Variants in VSTM1 observed in about 807,000 individuals in gnomAD.
VSTM1 encodes V-set and transmembrane domain containing 1, also known as V-set and transmembrane domain-containing protein 1.
VSTM1 carries 27 observed loss-of-function variants against 33.1 expected under a neutral mutation model. The observed-to-expected ratio is 0.82, with a 90% confidence interval of 0.60 to 1.12. The LOEUF (loss-of-function observed/expected upper bound fraction) is 1.12. Among genes scored for constraint, VSTM1 ranks in the 50% most tolerant of loss-of-function variants. The pLI, the probability that VSTM1 is intolerant of heterozygous loss-of-function variation, is 0.00. For synonymous variants in VSTM1, 115 were observed against 110.3 expected (o/e 1.04, Z -0.27); for missense variants, 304 against 288.9 (o/e 1.05, Z -0.38).
intron 4 of VSTM1, chr19:54,048,411 C>T (rs1298301963): frequency 1.2e-5 from 4 of 337,852 alleles, no homozygotes; most frequent in South Asian, 4.2e-5. Context: ...CCACTGCGCC[C>T]GGCAAAGATA....
intron 1 of VSTM1, 32 bp downstream of exon 1, chr19:54,063,712 C>G: frequency 6.2e-7 from 1 of 1,613,270 alleles, no homozygotes; most frequent in Admixed American, 1.7e-5. Context: ...CTCACCAGCC[C>G]AAGCCCATTC....
intron 6 of VSTM1, 69 bp from the exon 7 acceptor site, chr19:54,042,022 G>GAGGAA: frequency 3.7e-6 from 6 of 1,608,058 alleles, no homozygotes; most frequent in Non-Finnish European, 5.1e-6. Context: ...GGGCAATGGA[G>GAGGAA]GGGAGAGGAA....
intron 4 of VSTM1, among the ~76,000 whole-genome samples, chr19:54,043,416 C>CT (rs761364397): frequency 0.054 from 7,952 of 146,242 alleles, 284 homozygotes; most frequent in Admixed American, 0.1. Flanking sequence ...TATATGTTCT[C>CT]TTTTTTTTTT....
At chr19:54,042,070 C>T (rs2070308526) in intron 6 of VSTM1, 99 bp downstream of exon 6, 1 of 1,606,234 alleles carries the variant, frequency 6.2e-7, no homozygotes, top group South Asian at 1.1e-5. Flanking sequence ...ACAGAATGGG[C>T]TGGGGTGGGG....
chr19:54,042,806 G>A (rs866692033), intron 4 of VSTM1, among the ~76,000 whole-genome samples: 5 of 57,942 alleles, frequency 8.6e-5, no homozygotes, highest in African/African-American at 2.0e-4. Context: ...ATATAAATGT[G>A]TATATATATA....
chr19:54,052,254 C>T (rs552047512), intron 3 of VSTM1, among the ~76,000 whole-genome samples: 21 of 150,286 alleles, frequency 1.4e-4, no homozygotes, highest in African/African-American at 4.6e-4. Context: ...AAAAGTTAGC[C>T]GAGCGTGGTG....
intron 1 of VSTM1, among the ~76,000 whole-genome samples, chr19:54,059,879 GCT>G (rs1444695690): frequency 6.8e-6 from 1 of 148,074 alleles, no homozygotes; most frequent in Non-Finnish European, 1.5e-5. Flanking sequence ...ATGGAGTCTC[GCT>G]CTGTCACCCA....
chr19:54,042,100 G>C, intron 6 of VSTM1, 69 bp downstream of exon 6: 1 of 1,608,916 alleles, frequency 6.2e-7, no homozygotes, highest in South Asian at 1.1e-5. Context: ...GCCAATCCCG[G>C]ATGTGCCAAT....
chr19:54,041,723 G>A lies in VSTM1; in HGVS notation c.591+56C>T, dbSNP rs2070280168. The A allele has an allele frequency of 5.7e-6, 9 of 1,579,996 alleles. No homozygotes were observed. In the South Asian group the frequency reaches 7.9e-5, roughly 14 times the overall value. ...ATGGGCTTAACCAGGAGGCACACAC[G>A]ACCAGCCCATTGTGGTGAGGGAGCT... On this transcript the variant is annotated intron_variant, in intron 8 of 8. Transcript: ENST00000338372.
intron 1 of VSTM1, among the ~76,000 whole-genome samples, chr19:54,059,924 C>T (rs890715943): frequency 2.3e-4 from 35 of 151,340 alleles, no homozygotes; most frequent in Admixed American, 7.3e-4. Flanking sequence ...CTCGGCTCAC[C>T]GCAAGCTCTG....
At chr19:54,062,749 G>A (rs1377289766) in intron 1 of VSTM1, among the ~76,000 whole-genome samples, 1 of 150,564 alleles carries the variant, frequency 6.6e-6, no homozygotes, top group Non-Finnish European at 1.5e-5. Flanking sequence ...CTCATCTAAG[G>A]TGCAAATGTG....
chr19:54,063,741 C>T lies in VSTM1; in HGVS notation c.34+3G>A, dbSNP rs1264940365. On this transcript the variant is annotated splice_donor_region_variant and intron_variant, in intron 1 of 8. Transcript: ENST00000338372. ...CCCATTCGTCCCAGTCCTGGAGACT[C>T]ACCGAGGCAAAGCAGGGAGAGGAAT... 1.2e-6 allele frequency: 2 copies of T among 1,613,858 alleles called. No homozygotes were observed.
chr19:54,041,813 G>T lies in VSTM1; in HGVS notation c.557C>A (p.Ala186Glu). 1.2e-6 allele frequency: 2 copies of T among 1,613,568 alleles called. No individual in the cohort carries two copies. Among genetic ancestry groups the T allele is most frequent in the Non-Finnish European group, 1.7e-6 (2 of 1,179,910 alleles). Residue 186 changes from alanine to glutamate, a missense_variant, in exon 8 of 9, where the codon GCA (alanine) becomes GAA (glutamate). Ala to Glu is a moderately radical substitution (Grantham distance 107). Coordinates refer to ENST00000338372, the MANE Select transcript of VSTM1 (RefSeq NM_198481.4). ...SKLPEQEAAE[A>E]DLSNMERVSL... is the part of the protein sequence containing the mutation. ...TACCCTTTCCATATTGGATAAATCT[G>T]CCTCTGAGTGAGAAAGGAAAAAAAA...
intron 4 of VSTM1, among the ~76,000 whole-genome samples, chr19:54,044,669 C>A (rs991398221): frequency 6.6e-6 from 1 of 152,120 alleles, no homozygotes; most frequent in East Asian, 1.9e-4. Context: ...TACATCATAG[C>A]GTTTTAAAGT....
In VSTM1 at chr19:54,041,914, A is replaced by C. The variant is rs771531249; in HGVS notation, c.553+2T>G. ...TTCCCTTAAACTTCCCCTGTCCCTT[A>C]CCGGCAGCCTCCTGCTCCGGAAGTT... On this transcript the variant is annotated splice_donor_variant, in intron 7 of 8. Coordinates refer to ENST00000338372, the MANE Select transcript of VSTM1 (RefSeq NM_198481.4). LOFTEE classifies it high-confidence loss of function. The C allele has an allele frequency of 6.2e-7, 1 of 1,613,910 alleles. No individual in the cohort carries two copies.
At chr19:54,057,512 CA>C (rs201220644) in intron 3 of VSTM1, among the ~76,000 whole-genome samples, 35,016 of 128,438 alleles carry the variant, frequency 0.27, 4,547 homozygotes, top group Non-Finnish European at 0.33. Context: ...GAGATTCTGT[CA>C]AAAAAAAAAA....
At position 54,040,837 on chromosome 19, in the gene VSTM1, A is replaced by G; in HGVS notation, c.*124T>C. The G allele has an allele frequency of 7.6e-7, 1 of 1,315,470 alleles. No homozygotes were observed. The highest frequency in any genetic ancestry group is 2.7e-5 in the East Asian group (1 of 37,080). The allele number at this position is 1,315,470 out of a possible 1,614,324, so 81.5% of individuals were successfully genotyped here. A position where few individuals can be genotyped will look rare whatever the true frequency, so the allele number is the denominator to read the frequency against. ...TAAATAAGTCAGATTTCTTTTTAAG[A>G]CGAGAAACTTAATTTTATTGATATG... On this transcript the variant is annotated 3_prime_UTR_variant, in exon 9 of 9. Transcript: ENST00000338372.
Position 54,055,237 on chromosome 19 carries a change from G to A in VSTM1, c.355+3069C>T, listed in dbSNP as rs749555883. Among the ~76,000 whole-genome samples, 12 of 139,992 alleles carry A rather than the reference G, an allele frequency of 8.6e-5. 1 individual carries two copies. Among genetic ancestry groups the A allele is most frequent in the Non-Finnish European group, 1.7e-4 (11 of 63,878 alleles). 91.8% of individuals were successfully genotyped at this position (139,992 alleles called of 152,430 possible). ...TTGCCATTCCTACATCCCTCATAGA[G>A]CACTGGACACTCTTTCTGGCTTTCC... is the stretch of plus-strand genomic sequence containing the variant. On this transcript the variant is annotated intron_variant, in intron 3 of 8. Coordinates refer to ENST00000338372, the MANE Select transcript of VSTM1 (RefSeq NM_198481.4).
chr19:54,041,869 T>G (rs1461708441), intron 7 of VSTM1, 47 bp downstream of exon 7: 27 of 1,613,840 alleles, frequency 1.7e-5, no homozygotes, highest in Admixed American at 8.3e-5. Context: ...AAGTCAGAAC[T>G]TAGTCTTTCT....
Sources: gnomAD v4.1 joint callset for allele counts (sites outside exome capture counted in the v4.1 genomes callset) on GRCh38, gnomAD v4.1.1 for gene constraint, MANE v1.5 for transcripts, NCBI Gene and HGNC (gene_info 2026-07-23, HGNC 2026-07-21) for gene names.